CAP2: variants seen among roughly 807,000 people sequenced by gnomAD.
The protein encoded by CAP2 is cyclase associated actin cytoskeleton regulatory protein 2.
A neutral mutation model predicts 57.7 loss-of-function variants in CAP2; 24 were observed. The ratio of observed to expected loss-of-function variants is 0.42; its 90% confidence interval spans 0.30 to 0.58. The LOEUF (loss-of-function observed/expected upper bound fraction) is 0.58. Ranked by LOEUF, CAP2 falls within the 20% of genes least tolerant of loss-of-function variation. The pLI is 0.22. For missense variants in CAP2, 501 were observed against 590.3 expected, an observed-to-expected ratio of 0.85 and a Z score of 1.57; for synonymous variants, 194 against 207.2, an observed-to-expected ratio of 0.94 and a Z score of 0.55.
chr6:17,523,115 T>C, intron 7 of CAP2, among the ~76,000 whole-genome samples: 1 of 152,126 alleles, frequency 6.6e-6, no homozygotes, highest in East Asian at 1.9e-4. Context: ...GGGGAAGAGA[T>C]TAGAGGCCCT....
At chr6:17,538,369 T>C (rs911390633) in intron 7 of CAP2, among the ~76,000 whole-genome samples, 6 of 151,658 alleles carry the variant, frequency 4.0e-5, no homozygotes, top group African/African-American at 1.5e-4. Context: ...GCCAGGAGAA[T>C]CGCTTGCGCC....
At position 17,551,615 on chromosome 6, in the gene CAP2, T is replaced by G; in HGVS notation, c.1350+11T>G. The G allele has an allele frequency of 6.4e-7, 1 of 1,559,112 alleles. No homozygotes were observed. ...CAGGATGGTGATTATGTAAGTACCT[T>G]TCAAAAGGCTGTCAAGAATTTTTCT... On this transcript the variant is annotated intron_variant, in intron 12 of 12. Coordinates refer to ENST00000229922, the MANE Select transcript of CAP2 (RefSeq NM_006366.3).
chr6:17,418,452 G>T (rs1759343930), intron 1 of CAP2, among the ~76,000 whole-genome samples: 1 of 152,138 alleles, frequency 6.6e-6, no homozygotes, highest in African/African-American at 2.4e-5. Context: ...GTCCAGCCCT[G>T]CAGTTTGTGG....
intron 3 of CAP2, among the ~76,000 whole-genome samples, chr6:17,453,965 G>A (rs1760483349): frequency 6.9e-6 from 1 of 144,528 alleles, no homozygotes. Context: ...GCTCACTGCA[G>A]CCTCAGCCTC....
intron 3 of CAP2, among the ~76,000 whole-genome samples, chr6:17,429,495 T>A (rs1213022585): frequency 6.6e-6 from 1 of 152,206 alleles, no homozygotes; most frequent in African/African-American, 2.4e-5. Flanking sequence ...TGTCTTCAAA[T>A]TGCACAGTAA....
At chr6:17,507,092 C>CT in intron 4 of CAP2, 77 bp from the exon 5 acceptor site, 1 of 1,494,762 alleles carries the variant, frequency 6.7e-7, no homozygotes. Context: ...AATTCTCCTG[C>CT]TTAGGCCAAC....
intron 7 of CAP2, among the ~76,000 whole-genome samples, chr6:17,528,507 G>C (rs1561816930): frequency 6.6e-6 from 1 of 152,122 alleles, no homozygotes; most frequent in Admixed American, 6.6e-5. Context: ...GTCATCAAAG[G>C]AATGACATAC....
chr6:17,402,692 C>A (rs1020637530), intron 1 of CAP2, among the ~76,000 whole-genome samples: 1 of 152,212 alleles, frequency 6.6e-6, no homozygotes, highest in African/African-American at 2.4e-5. Context: ...AAACTGGCTT[C>A]TTCCACAATG....
At chr6:17,523,199 G>A (rs940047890) in intron 7 of CAP2, among the ~76,000 whole-genome samples, 1 of 152,182 alleles carries the variant, frequency 6.6e-6, no homozygotes, top group Non-Finnish European at 1.5e-5. Context: ...TGTGACAATG[G>A]CAATGCAAAG....
At position 17,421,774 on chromosome 6, in the gene CAP2, G is replaced by A; in HGVS notation, c.121+98G>A. ...CAAGGAACATTTCTATTATCCTTCA[G>A]CTTCCCTACTCCTTCCATCGTATGT... is the stretch of plus-strand genomic sequence containing the variant. On this transcript the variant is annotated intron_variant, in intron 2 of 12. Coordinates refer to ENST00000229922, the MANE Select transcript of CAP2 (RefSeq NM_006366.3). 3.0e-6 allele frequency: 4 copies of A among 1,348,078 alleles called. No individual in the cohort carries two copies. The South Asian group carries it at 3.6e-5, about 12-fold the overall frequency. 83.5% of individuals were successfully genotyped at this position (1,348,078 alleles called of 1,614,324 possible). A position where few individuals can be genotyped will look rare whatever the true frequency, so the allele number is the denominator to read the frequency against.
chr6:17,475,031 C>A (rs910510427), intron 4 of CAP2, among the ~76,000 whole-genome samples: 1 of 151,934 alleles, frequency 6.6e-6, no homozygotes, highest in Non-Finnish European at 1.5e-5. Flanking sequence ...CCCGTCTCTA[C>A]TAAAAATACA....
intron 3 of CAP2, among the ~76,000 whole-genome samples, chr6:17,429,842 A>G (rs1220335704): frequency 6.6e-6 from 1 of 152,200 alleles, no homozygotes; most frequent in Non-Finnish European, 1.5e-5. Context: ...TGACGTTAAT[A>G]CTTTGAACAT....
At chr6:17,496,144 G>A (rs1448882416) in intron 4 of CAP2, among the ~76,000 whole-genome samples, 1 of 151,720 alleles carries the variant, frequency 6.6e-6, no homozygotes, top group African/African-American at 2.4e-5. Flanking sequence ...TGAATACACA[G>A]TGAGCAGCCC....
chr6:17,490,557 T>C (rs1761519848), intron 4 of CAP2, among the ~76,000 whole-genome samples: 1 of 152,188 alleles, frequency 6.6e-6, no homozygotes, highest in East Asian at 1.9e-4. Flanking sequence ...AAATGGAGTA[T>C]TGGGTTGGGT....
chr6:17,396,151 A>G (rs1274394272), intron 1 of CAP2, among the ~76,000 whole-genome samples: 1 of 152,200 alleles, frequency 6.6e-6, no homozygotes, highest in African/African-American at 2.4e-5. Flanking sequence ...GTCAGATAAT[A>G]ACAAATACTG....
chr6:17,536,597 T>A (rs1762780367), intron 7 of CAP2, among the ~76,000 whole-genome samples: 1 of 152,236 alleles, frequency 6.6e-6, no homozygotes. Context: ...GGCTTTTTAG[T>A]TTCAGTGTCC....
chr6:17,477,013 AG>A (rs1271975102), intron 4 of CAP2, among the ~76,000 whole-genome samples: 4 of 151,754 alleles, frequency 2.6e-5, no homozygotes, highest in Admixed American at 2.6e-4. Flanking sequence ...CTGGGACTAC[AG>A]GTGTGTAGCC....
At chr6:17,439,206 C>T (rs1351799529) in intron 3 of CAP2, among the ~76,000 whole-genome samples, 1 of 150,464 alleles carries the variant, frequency 6.6e-6, no homozygotes, top group African/African-American at 2.5e-5. Flanking sequence ...TAAATTTGAT[C>T]CACATTTGAG....
intron 7 of CAP2, among the ~76,000 whole-genome samples, chr6:17,525,348 T>G (rs1213877958): frequency 2.6e-5 from 4 of 152,138 alleles, no homozygotes; most frequent in Non-Finnish European, 5.9e-5. Context: ...GGCTAGCAAG[T>G]TAATATACAT....
Sources: gnomAD v4.1 joint callset for allele counts (sites outside exome capture counted in the v4.1 genomes callset) on GRCh38, gnomAD v4.1.1 for gene constraint, MANE v1.5 for transcripts, NCBI Gene and HGNC (gene_info 2026-07-23, HGNC 2026-07-21) for gene names.